TMEM184C: variants seen among roughly 807,000 people sequenced by gnomAD.
TMEM184C encodes transmembrane protein 34.
A neutral mutation model predicts 54.5 loss-of-function variants in TMEM184C; 25 were observed. That is an observed-to-expected ratio of 0.46 (90% CI 0.33 to 0.64). The LOEUF is 0.64. TMEM184C is among the 30% of genes least tolerant of loss of function. The probability of loss-of-function intolerance (pLI) is 0.02; values close to 1 mark genes in which losing one functional copy is unlikely to be tolerated. For synonymous variants in TMEM184C, 148 were observed against 181.5 expected, an observed-to-expected ratio of 0.82 and a Z score of 1.49; for missense variants, 335 against 520.3, an observed-to-expected ratio of 0.64 and a Z score of 3.46.
Position 147,635,269 on chromosome 4 carries a change from T to TAATA in TMEM184C, c.*836_*839dup, listed in dbSNP as rs1732998623. 1.3e-5 allele frequency: 2 copies of TAATA among 152,160 alleles called. No homozygotes were observed. Among genetic ancestry groups the TAATA allele is most frequent in the African/African-American group, 4.8e-5 (2 of 41,444 alleles). The allele number at this position is 152,160 out of a possible 1,614,324, so 9.4% of individuals were successfully genotyped here. ...TCATTCTTTAAACATTAAAAACCCT[T>TAATA]AATATTTTAACAAAAATTTCTTGAT... On this transcript the variant is annotated 3_prime_UTR_variant, in exon 10 of 10. Transcript: ENST00000296582.
chr4:147,622,302 T>G (rs1013202130), intron 1 of TMEM184C, among the ~76,000 whole-genome samples: 3 of 152,222 alleles, frequency 2.0e-5, no homozygotes, highest in African/African-American at 7.2e-5. Context: ...TATTATTTTC[T>G]TAGATCATCA....
At chr4:147,626,092 C>G (rs918287784) in intron 4 of TMEM184C, among the ~76,000 whole-genome samples, 3 of 152,046 alleles carry the variant, frequency 2.0e-5, no homozygotes, top group Non-Finnish European at 4.4e-5. Flanking sequence ...CCAGCTGATT[C>G]AACAAATGCA....
At chr4:147,631,301 A>T in intron 6 of TMEM184C, 92 bp from the exon 7 acceptor site, 1 of 938,926 alleles carries the variant, frequency 1.1e-6, no homozygotes, top group Non-Finnish European at 1.6e-6. Context: ...TGCCTGAAAC[A>T]TTACTCTGTA....
Position 147,634,421 on chromosome 4 carries a change from C to A in TMEM184C, c.1304C>A (p.Ser435Tyr). 6.2e-7 allele frequency: 1 copy of A among 1,613,880 alleles called. No homozygotes were observed. ...GAGAAAAAAGAACCTTCAGATAAATCCGTGGATTCCTGAACAGTATGGAAA... is the reference window on the plus strand; with the variant it reads ...GAGAAAAAAGAACCTTCAGATAAATACGTGGATTCCTGAACAGTATGGAAA... ...IGEKKEPSDK[S>Y]VDS Residue 435 changes from serine (S) to tyrosine (Y), a missense_variant, in exon 10 of 10, where the codon TCC (serine) becomes TAC (tyrosine). By Grantham distance (144) the Ser-to-Tyr change is moderately radical (BLOSUM62 -2). Transcript: ENST00000296582.
intron 4 of TMEM184C, among the ~76,000 whole-genome samples, chr4:147,626,002 A>G (rs1560952695): frequency 6.6e-6 from 1 of 152,098 alleles, no homozygotes; most frequent in Non-Finnish European, 1.5e-5. Flanking sequence ...ATAGGGAGTC[A>G]AAGCTGTCCA....
rs747587047 is a variant in TMEM184C, at chr4:147,634,423, G to A, written c.1306G>A (p.Val436Met). 2.1e-5 allele frequency: 34 copies of A among 1,613,716 alleles called. No homozygotes were observed. The highest frequency in any genetic ancestry group is 5.0e-5 in the Admixed American group (3 of 59,944). ...GAAAAAAGAACCTTCAGATAAATCC[G>A]TGGATTCCTGAACAGTATGGAAAAG... ...GEKKEPSDKS[V>M]DS The change falls in exon 10 of 10, where the codon GTG becomes ATG. Residue 436 changes from valine to methionine, a missense_variant. Val to Met is a conservative substitution (Grantham distance 21). Transcript: ENST00000296582.
At chr4:147,627,561 T>C (rs1732837494) in intron 4 of TMEM184C, among the ~76,000 whole-genome samples, 1 of 152,204 alleles carries the variant, frequency 6.6e-6, no homozygotes, top group South Asian at 2.1e-4. Flanking sequence ...TGAGGATGGC[T>C]TGAGCCCAGG....
At chr4:147,624,490 C>T (rs1313552518) in intron 3 of TMEM184C, among the ~76,000 whole-genome samples, 1 of 152,088 alleles carries the variant, frequency 6.6e-6, no homozygotes, top group African/African-American at 2.4e-5. Flanking sequence ...ATATCTTTAG[C>T]AGCATTATCT....
chr4:147,629,837 CTT>C, intron 6 of TMEM184C, 145 bp downstream of exon 6: 1 of 436,378 alleles, frequency 2.3e-6, no homozygotes, highest in South Asian at 5.9e-5. Context: ...TATAGAAAGA[CTT>C]GAAAAAAATT....
At chr4:147,633,351 C>A (rs1732951587) in intron 8 of TMEM184C, among the ~76,000 whole-genome samples, 1 of 151,324 alleles carries the variant, frequency 6.6e-6, no homozygotes, top group Non-Finnish European at 1.5e-5. Flanking sequence ...AATCCTAGCA[C>A]TTTGTAAGGC....
rs748996239 is a variant in TMEM184C, at chr4:147,635,640, G to GAGAT, written c.*1209_*1212dup. The GAGAT allele has an allele frequency of 1.3e-5, 2 of 152,080 alleles. No individual in the cohort carries two copies. The highest frequency in any genetic ancestry group is 2.9e-5 in the Non-Finnish European group (2 of 67,988). 9.4% of individuals were successfully genotyped at this position (152,080 alleles called of 1,614,324 possible). A position where few individuals can be genotyped will look rare whatever the true frequency, so the allele number is the denominator to read the frequency against. On this transcript the variant is annotated 3_prime_UTR_variant, in exon 10 of 10. Coordinates refer to ENST00000296582, the MANE Select transcript of TMEM184C (RefSeq NM_018241.3). ...TCATATCTATCTATATATATAGAGA[G>GAGAT]AGATAGTGGTTCACAGTAATCATAC...
intron 1 of TMEM184C, among the ~76,000 whole-genome samples, chr4:147,618,494 T>G (rs541131397): frequency 4.6e-5 from 7 of 152,356 alleles, no homozygotes; most frequent in Middle Eastern, 3.4e-3. Context: ...TGTTTTAACT[T>G]TGGTGTCTGT....
Position 147,618,007 on chromosome 4 carries a change from A to G in TMEM184C, c.51A>G (p.Leu17=). ...ACTGGAGACAGTGGATTCGACCTTT[A>G]GTAGCGGTCATCTACCTGGTGTCAA... ...WRNWRQWIRP[L]VAVIYLVSIV... The change falls in exon 1 of 10, where the codon TTA becomes TTG. Residue 17 remains leucine (L), a synonymous_variant. Transcript: ENST00000296582. 1 of 1,614,164 alleles carries G rather than the reference A, an allele frequency of 6.2e-7. No individual in the cohort carries two copies. Among genetic ancestry groups the G allele is most frequent in the Non-Finnish European group, 8.5e-7 (1 of 1,180,012 alleles).
intron 4 of TMEM184C, among the ~76,000 whole-genome samples, chr4:147,626,873 C>T (rs1732823952): frequency 6.6e-6 from 1 of 152,156 alleles, no homozygotes; most frequent in East Asian, 1.9e-4. Flanking sequence ...TCAAGGGAGA[C>T]AGATTGTGCT....
chr4:147,634,241 T>G lies in TMEM184C; in HGVS notation c.1124T>G (p.Leu375Ter), dbSNP rs538101022. The change falls in exon 10 of 10, where the codon TTA (leucine) becomes TGA (stop). Residue 375 changes from leucine (L) to a stop codon, truncating the protein, a stop_gained. Coordinates refer to ENST00000296582, the MANE Select transcript of TMEM184C (RefSeq NM_018241.3). LOFTEE classifies it high-confidence loss of function. The part of the protein sequence containing the change: ...EDQDQNEHTS[L>*]LSSSSQDAIS... ...CAAGATCAAAATGAACATACAAGTT[T>G]ATTATCATCATCATCACAAGATGCA... 1 of 1,614,156 alleles carries G rather than the reference T, an allele frequency of 6.2e-7. No individual in the cohort carries two copies. Among genetic ancestry groups the G allele is most frequent in the Non-Finnish European group, 8.5e-7 (1 of 1,179,998 alleles).
intron 5 of TMEM184C, among the ~76,000 whole-genome samples, chr4:147,629,326 G>A (rs1732869429): frequency 6.6e-6 from 1 of 151,842 alleles, no homozygotes; most frequent in African/African-American, 2.4e-5. Context: ...AGTGTTATGT[G>A]TCTTATTTGG....
chr4:147,633,175 C>G (rs549205571), intron 8 of TMEM184C, among the ~76,000 whole-genome samples, 173 bp downstream of exon 8: 4 of 152,018 alleles, frequency 2.6e-5, no homozygotes, highest in African/African-American at 9.7e-5. Flanking sequence ...TGTAGCAGAT[C>G]CATGAATAAA....
intron 1 of TMEM184C, among the ~76,000 whole-genome samples, chr4:147,621,046 T>A (rs1732699773): frequency 6.6e-6 from 1 of 152,246 alleles, no homozygotes; most frequent in Admixed American, 6.5e-5. Context: ...GTGGGGCATA[T>A]ACCCATTTAT....
At chr4:147,627,101 T>C (rs1255931136) in intron 4 of TMEM184C, among the ~76,000 whole-genome samples, 1 of 152,150 alleles carries the variant, frequency 6.6e-6, no homozygotes, top group Non-Finnish European at 1.5e-5. Context: ...CAAAGGGGGC[T>C]GGGGAATGAC....
Sources: gnomAD v4.1 joint callset for allele counts (sites outside exome capture counted in the v4.1 genomes callset) on GRCh38, gnomAD v4.1.1 for gene constraint, MANE v1.5 for transcripts, NCBI Gene and HGNC (gene_info 2026-07-23, HGNC 2026-07-21) for gene names.